The following CNBD1 variants were observed in gnomAD, a reference collection of about 807,000 sequenced individuals.
The protein encoded by CNBD1 is cyclic nucleotide-binding domain-containing protein 1.
CNBD1 carries 71 observed loss-of-function variants against 54.4 expected under a neutral mutation model. The ratio of observed to expected loss-of-function variants is 1.30; its 90% CI spans 1.08 to 1.59. The LOEUF (loss-of-function observed/expected upper bound fraction) is 1.59, where lower values mean the gene tolerates loss of function less well. Ranked by LOEUF, CNBD1 falls within the 40% of genes most tolerant of loss-of-function variation. CNBD1 has a pLI of 0.00. For synonymous variants in CNBD1, 182 were observed against 170.7 expected (o/e 1.07, Z -0.51); for missense variants, 659 against 518.0 (o/e 1.27, Z -2.64).
intron 4 of CNBD1, among the ~76,000 whole-genome samples, chr8:87,129,133 T>C (rs72665030): frequency 0.17 from 25,821 of 147,894 alleles, 2,805 homozygotes; most frequent in Non-Finnish European, 0.24. Flanking sequence ...TGTAATTTTC[T>C]TTTTTGGTAA....
At chr8:87,167,796 TAAC>T (rs1357966556) in intron 4 of CNBD1, among the ~76,000 whole-genome samples, 1 of 152,038 alleles carries the variant, frequency 6.6e-6, no homozygotes, top group East Asian at 1.9e-4. Flanking sequence ...ATGTGTCACT[TAAC>T]AGGAGTAATT....
chr8:87,390,184 A>G (rs1295559087), intron 2 of CNBD1, among the ~76,000 whole-genome samples: 2 of 152,160 alleles, frequency 1.3e-5, no homozygotes, highest in South Asian at 2.1e-4. Context: ...GGACATAGGC[A>G]TGGGCAAGGA....
At chr8:87,048,830 A>G (rs1235007160) in intron 4 of CNBD1, among the ~76,000 whole-genome samples, 2 of 152,158 alleles carry the variant, frequency 1.3e-5, no homozygotes, top group African/African-American at 4.8e-5. Context: ...TGAGGGGATT[A>G]TTTTTAAGGC....
intron 2 of CNBD1, among the ~76,000 whole-genome samples, chr8:86,903,571 A>G (rs996865120): frequency 6.6e-6 from 1 of 152,104 alleles, no homozygotes; most frequent in Non-Finnish European, 1.5e-5. Flanking sequence ...GGGGGACAGA[A>G]TATCCCAGAG....
intron 5 of CNBD1, among the ~76,000 whole-genome samples, chr8:87,212,428 G>A (rs1390174744): frequency 6.6e-6 from 1 of 152,050 alleles, no homozygotes; most frequent in East Asian, 1.9e-4. Context: ...AAATGATAAA[G>A]TTGAAGGACT....
At chr8:87,311,886 C>G in intron 8 of CNBD1, among the ~76,000 whole-genome samples, 1 of 151,980 alleles carries the variant, frequency 6.6e-6, no homozygotes, top group East Asian at 1.9e-4. Flanking sequence ...TAAGTGGAAG[C>G]TAAACATTGG....
At chr8:87,264,460 C>A (rs1808207112) in intron 6 of CNBD1, among the ~76,000 whole-genome samples, 1 of 152,148 alleles carries the variant, frequency 6.6e-6, no homozygotes, top group African/African-American at 2.4e-5. Context: ...AATAAACATA[C>A]ATGTGCGTGT....
chr8:86,881,472 G>T (rs1233849124), intron 1 of CNBD1, among the ~76,000 whole-genome samples: 1 of 152,100 alleles, frequency 6.6e-6, no homozygotes, highest in Non-Finnish European at 1.5e-5. Context: ...GGAGGTAAAA[G>T]ATCTCTACAA....
At chr8:87,043,713 A>T (rs1396147601) in intron 4 of CNBD1, among the ~76,000 whole-genome samples, 1 of 152,150 alleles carries the variant, frequency 6.6e-6, no homozygotes, top group Admixed American at 6.5e-5. Context: ...AATCACCCAG[A>T]TAACCCAGTT....
At chr8:87,229,012 C>G (rs528457557) in intron 5 of CNBD1, among the ~76,000 whole-genome samples, 1 of 152,102 alleles carries the variant, frequency 6.6e-6, no homozygotes, top group Non-Finnish European at 1.5e-5. Context: ...TCCCGATTTT[C>G]CAGGTGCGGT....
At chr8:87,161,964 C>T (rs1355518064) in intron 4 of CNBD1, among the ~76,000 whole-genome samples, 4 of 151,780 alleles carry the variant, frequency 2.6e-5, no homozygotes, top group Admixed American at 1.3e-4. Flanking sequence ...AAACTAAAGA[C>T]AAAAATATGA....
chr8:87,417,046 A>G (rs553730569), intron 2 of CNBD1, among the ~76,000 whole-genome samples: 7 of 152,190 alleles, frequency 4.6e-5, no homozygotes, highest in Non-Finnish European at 8.8e-5. Flanking sequence ...GATGGGATAA[A>G]GAACAAAACC....
chr8:86,909,530 T>G (rs974533997), intron 3 of CNBD1, among the ~76,000 whole-genome samples: 2 of 144,652 alleles, frequency 1.4e-5, no homozygotes, highest in Non-Finnish European at 3.1e-5. Context: ...TGCAGTGTGG[T>G]TTTTTTTTTA....
chr8:87,416,919 A>T (rs1227772171), intron 2 of CNBD1, among the ~76,000 whole-genome samples: 4 of 152,060 alleles, frequency 2.6e-5, no homozygotes, highest in African/African-American at 9.7e-5. Flanking sequence ...ATTATAAACC[A>T]TGTCCAAATA....
chr8:86,954,676 G>T (rs570039503), intron 4 of CNBD1, among the ~76,000 whole-genome samples: 1 of 152,034 alleles, frequency 6.6e-6, no homozygotes, highest in Non-Finnish European at 1.5e-5. Flanking sequence ...TGTTATAATG[G>T]TAGCTCTTAG....
intron 8 of CNBD1, among the ~76,000 whole-genome samples, chr8:87,316,758 C>A (rs944126516): frequency 2.0e-5 from 3 of 151,704 alleles, no homozygotes; most frequent in African/African-American, 7.3e-5. Flanking sequence ...ATTTCCAATA[C>A]ATACTGAAAA....
chr8:87,072,327 T>C (rs547015220), intron 4 of CNBD1, among the ~76,000 whole-genome samples: 1 of 152,296 alleles, frequency 6.6e-6, no homozygotes, highest in African/African-American at 2.4e-5. Context: ...TTATTATGTG[T>C]GAATTTGATC....
intron 1 of CNBD1, among the ~76,000 whole-genome samples, chr8:86,887,206 G>A (rs775629381): frequency 7.2e-5 from 11 of 152,112 alleles, no homozygotes; most frequent in Non-Finnish European, 1.6e-4. Context: ...TGAAGTTCTG[G>A]AACCAGTTCA....
At chr8:87,066,382 C>G (rs573393650) in intron 4 of CNBD1, among the ~76,000 whole-genome samples, 1 of 152,006 alleles carries the variant, frequency 6.6e-6, no homozygotes, top group Admixed American at 6.6e-5. Context: ...ATCCATGGAC[C>G]AGGACATCCT....
Sources: gnomAD v4.1 joint callset for allele counts (sites outside exome capture counted in the v4.1 genomes callset) on GRCh38, gnomAD v4.1.1 for gene constraint, MANE v1.5 for transcripts, NCBI Gene and HGNC (gene_info 2026-07-23, HGNC 2026-07-21) for gene names.